The following ELMOD1 variants were observed in gnomAD, a reference collection of about 807,000 sequenced individuals.
ELMOD1 encodes ELMO domain-containing protein 1.
Under a neutral mutation model 46.7 loss-of-function variants are expected in ELMOD1, and 21 were observed. The observed-to-expected ratio is 0.45, with a 90% CI of 0.32 to 0.65. The LOEUF (loss-of-function observed/expected upper bound fraction) is 0.65. ELMOD1 is among the 30% of genes least tolerant of loss of function. ELMOD1 has a pLI of 0.04. For synonymous variants in ELMOD1, 122 were observed against 138.2 expected, an observed-to-expected ratio of 0.88 and a Z score of 0.82; for missense variants, 348 against 407.8, an observed-to-expected ratio of 0.85 and a Z score of 1.26.
intron 7 of ELMOD1, among the ~76,000 whole-genome samples, chr11:107,648,975 G>A (rs1866479739): frequency 6.6e-6 from 1 of 152,098 alleles, no homozygotes; most frequent in East Asian, 1.9e-4. Flanking sequence ...ATTTTTAAAA[G>A]AAGTTAATTA....
intron 11 of ELMOD1, among the ~76,000 whole-genome samples, chr11:107,657,944 T>A (rs573754159): frequency 6.6e-6 from 1 of 152,178 alleles, no homozygotes; most frequent in Non-Finnish European, 1.5e-5. Context: ...CATTGGCATA[T>A]ATAGAAGACA....
chr11:107,638,742 G>A (rs893707264), intron 6 of ELMOD1, among the ~76,000 whole-genome samples: 1 of 152,238 alleles, frequency 6.6e-6, no homozygotes, highest in African/African-American at 2.4e-5. Flanking sequence ...ATGCATTTGT[G>A]TATGGTGTTT....
rs569372083 is a variant in ELMOD1 at position 107,654,570 on chromosome 11, C to T, written c.698+348C>T. ...GGATCACGAGGTCAGGAGATCGAGA[C>T]CATCCTGGCTAACACGGTGAAACCC... On this transcript the variant is annotated intron_variant, in intron 10 of 11. Coordinates refer to ENST00000265840, the MANE Select transcript of ELMOD1 (RefSeq NM_018712.4). Among the ~76,000 whole-genome samples, 29 of 152,064 alleles carry T rather than the reference C, an allele frequency of 1.9e-4. 2 individuals are homozygous for T. The East Asian group carries it at 5.6e-3, about 29-fold the overall frequency.
chr11:107,603,413 C>T (rs565214345), intron 1 of ELMOD1, among the ~76,000 whole-genome samples: 4 of 152,152 alleles, frequency 2.6e-5, no homozygotes, highest in Admixed American at 2.0e-4. Context: ...GTGGTGCATA[C>T]CTGCAGTCCC....
intron 2 of ELMOD1, among the ~76,000 whole-genome samples, chr11:107,619,171 G>A (rs1044318117): frequency 9.2e-5 from 14 of 152,282 alleles, no homozygotes; most frequent in Admixed American, 6.5e-5. Context: ...ATCAGTTTGT[G>A]TGGGATTCAC....
At chr11:107,646,366 A>C (rs764531147) in intron 6 of ELMOD1, among the ~76,000 whole-genome samples, 3 of 152,208 alleles carry the variant, frequency 2.0e-5, no homozygotes, top group Non-Finnish European at 2.9e-5. Flanking sequence ...AGGTTTATTC[A>C]TGAACATTAC....
Position 107,630,681 on chromosome 11 carries a change from T to C in ELMOD1, c.164-19T>C, listed in dbSNP as rs1866120813. On this transcript the variant is annotated intron_variant, in intron 3 of 11. Coordinates refer to ENST00000265840, the MANE Select transcript of ELMOD1 (RefSeq NM_018712.4). The stretch of plus-strand genomic sequence containing the variant: ...AAAGGATAATCTTTGAATGACTGTT[T>C]TTGTTGCTGCTTTCACAGAAACATC... 6.2e-7 allele frequency: 1 copy of C among 1,608,042 alleles called. No individual in the cohort carries two copies. Among genetic ancestry groups the C allele is most frequent in the Non-Finnish European group, 8.5e-7 (1 of 1,177,094 alleles).
rs1461474310 is a variant in ELMOD1, at chr11:107,591,229, C to T, written c.-266C>T. On this transcript the variant is annotated 5_prime_UTR_variant, in exon 1 of 12. Coordinates refer to ENST00000265840, the MANE Select transcript of ELMOD1 (RefSeq NM_018712.4). ...GACCCAGATTCCTGCCCCGCCCCCG[C>T]CCCTTCCGCGCCCGCAGCCAGTGCG... 1.3e-5 allele frequency: 2 copies of T among 152,256 alleles called. No homozygotes were observed. The highest frequency in any genetic ancestry group is 1.5e-5 in the Non-Finnish European group (1 of 68,192). 9.4% of individuals were successfully genotyped at this position (152,256 alleles called of 1,614,324 possible).
At chr11:107,646,045 T>G (rs568495566) in intron 6 of ELMOD1, among the ~76,000 whole-genome samples, 14 of 152,152 alleles carry the variant, frequency 9.2e-5, no homozygotes, top group Non-Finnish European at 1.6e-4. Context: ...GTAAGGAAAT[T>G]TTACATTTGT....
intron 1 of ELMOD1, among the ~76,000 whole-genome samples, chr11:107,596,052 G>T (rs539814): frequency 0.63 from 95,365 of 151,906 alleles, 31,096 homozygotes; most frequent in East Asian, 0.81. Context: ...CTCATGCAAG[G>T]CAATAACTGT....
intron 4 of ELMOD1, 135 bp from the exon 5 acceptor site, chr11:107,631,445 G>T (rs184709192): frequency 6.2e-6 from 2 of 323,620 alleles, no homozygotes; most frequent in African/African-American, 2.3e-5. Context: ...ATTCAAGTAC[G>T]CTAAATCAAT....
At chr11:107,612,678 C>T (rs1457377482) in intron 1 of ELMOD1, among the ~76,000 whole-genome samples, 1 of 152,140 alleles carries the variant, frequency 6.6e-6, no homozygotes, top group Non-Finnish European at 1.5e-5. Flanking sequence ...TGGCTCAGAA[C>T]ATCACACACA....
At chr11:107,635,280 G>A (rs950686007) in intron 5 of ELMOD1, among the ~76,000 whole-genome samples, 1 of 152,078 alleles carries the variant, frequency 6.6e-6, no homozygotes, top group South Asian at 2.1e-4. Context: ...GTGGGTTTTG[G>A]TTTTGTTTTG....
chr11:107,651,386 C>G (rs867636140), intron 9 of ELMOD1, among the ~76,000 whole-genome samples: 1 of 152,130 alleles, frequency 6.6e-6, no homozygotes, highest in African/African-American at 2.4e-5. Flanking sequence ...TTTTTCTCCT[C>G]GCATGATGGT....
intron 11 of ELMOD1, among the ~76,000 whole-genome samples, chr11:107,658,760 C>A (rs945406417): frequency 6.6e-6 from 1 of 152,186 alleles, no homozygotes; most frequent in African/African-American, 2.4e-5. Context: ...AAGGGTGAAA[C>A]CCTGTCTCTA....
At chr11:107,630,811 A>G in intron 4 of ELMOD1, 83 bp downstream of exon 4, 1 of 1,361,992 alleles carries the variant, frequency 7.3e-7, no homozygotes, top group Non-Finnish European at 1.0e-6. Flanking sequence ...TAAGAAACCA[A>G]AATATACCAC....
chr11:107,635,570 T>A (rs1866214643), intron 5 of ELMOD1, 66 bp from the exon 6 acceptor site: 12 of 1,540,188 alleles, frequency 7.8e-6, no homozygotes, highest in Non-Finnish European at 9.7e-6. Context: ...ATACATCAAG[T>A]GAACAAATGC....
At chr11:107,633,166 T>C (rs1333213407) in intron 5 of ELMOD1, among the ~76,000 whole-genome samples, 1 of 152,206 alleles carries the variant, frequency 6.6e-6, no homozygotes, top group Non-Finnish European at 1.5e-5. Flanking sequence ...GTCCCAAGCA[T>C]GTCAGATAAG....
intron 2 of ELMOD1, among the ~76,000 whole-genome samples, chr11:107,618,462 C>T (rs1374227210): frequency 6.6e-6 from 1 of 152,204 alleles, no homozygotes; most frequent in Non-Finnish European, 1.5e-5. Context: ...CTTTAGACAG[C>T]CCTGGTGCCA....
Sources: allele counts gnomAD v4.1 joint callset (sites outside exome capture counted in the v4.1 genomes callset), GRCh38; gene constraint gnomAD v4.1.1; transcripts MANE v1.5; gene names NCBI Gene and HGNC (gene_info 2026-07-23, HGNC 2026-07-21).